GTF2F2: variants seen among roughly 807,000 people sequenced by gnomAD.
GTF2F2 encodes the protein general transcription factor IIF subunit 2.
GTF2F2 carries 23 observed loss-of-function variants against 42.2 expected under a neutral mutation model. That is an observed-to-expected ratio of 0.55 (90% confidence interval 0.39 to 0.77). The LOEUF (loss-of-function observed/expected upper bound fraction) is 0.77, where lower values mean the gene tolerates loss of function less well. Among genes scored for constraint, GTF2F2 ranks in the 30% least tolerant of loss-of-function variants. The probability of loss-of-function intolerance (pLI) is 0.00; values close to 1 mark genes in which losing one functional copy is unlikely to be tolerated. For synonymous variants in GTF2F2, 105 were observed against 100.8 expected (o/e 1.04, Z -0.25); for missense variants, 261 against 287.2 (o/e 0.91, Z 0.66).
chr13:45,264,671 G>A (rs575293224), intron 6 of GTF2F2, among the ~76,000 whole-genome samples: 2 of 152,232 alleles, frequency 1.3e-5, no homozygotes, highest in Admixed American at 1.3e-4. Context: ...TATCCCTAGT[G>A]TTGATTTTAA....
At chr13:45,241,553 T>A (rs550801286) in intron 5 of GTF2F2, among the ~76,000 whole-genome samples, 1 of 141,770 alleles carries the variant, frequency 7.1e-6, no homozygotes, top group South Asian at 2.1e-4. Context: ...TTAATTTTAT[T>A]TATTTTTAAT....
chr13:45,145,824 T>C (rs1870165527), intron 2 of GTF2F2, among the ~76,000 whole-genome samples: 1 of 152,192 alleles, frequency 6.6e-6, no homozygotes, highest in Non-Finnish European at 1.5e-5. Flanking sequence ...TTTGCTGTCC[T>C]CCACTGGGAC....
intron 5 of GTF2F2, among the ~76,000 whole-genome samples, chr13:45,229,789 G>T (rs1874577750): frequency 6.6e-6 from 1 of 152,192 alleles, no homozygotes; most frequent in East Asian, 1.9e-4. Flanking sequence ...GGACTAATAG[G>T]TACAGGTCAC....
At chr13:45,194,310 G>A (rs766297945) in intron 4 of GTF2F2, 1 of 1,614,170 alleles carries the variant, frequency 6.2e-7, no homozygotes. Context: ...GGACATGCCT[G>A]AAGAGGAGAC....
chr13:45,249,868 T>TA (rs763982451), intron 5 of GTF2F2, among the ~76,000 whole-genome samples: 61 of 152,226 alleles, frequency 4.0e-4, no homozygotes, highest in Admixed American at 8.5e-4. Flanking sequence ...GGCTGACACT[T>TA]ACTTGTGTTT....
intron 4 of GTF2F2, among the ~76,000 whole-genome samples, chr13:45,152,116 T>C (rs540240438): frequency 3.3e-5 from 5 of 152,082 alleles, no homozygotes; most frequent in Non-Finnish European, 7.4e-5. Flanking sequence ...GGTTTCTCCA[T>C]GTTGGTCAGG....
chr13:45,120,788 A>C (rs1020981299), intron 1 of GTF2F2, 67 bp downstream of exon 1: 1 of 1,192,616 alleles, frequency 8.4e-7, no homozygotes, highest in Non-Finnish European at 1.2e-6. Flanking sequence ...ACTTGAGCCT[A>C]TCCCGCTCCG....
intron 6 of GTF2F2, among the ~76,000 whole-genome samples, chr13:45,256,034 A>G (rs1332507326): frequency 6.6e-6 from 1 of 152,210 alleles, no homozygotes; most frequent in South Asian, 2.1e-4. Flanking sequence ...TATTTAAGAT[A>G]GGAAAAGATT....
intron 7 of GTF2F2, among the ~76,000 whole-genome samples, chr13:45,272,252 CTA>C (rs1390810143): frequency 1.3e-5 from 2 of 150,874 alleles, no homozygotes; most frequent in Non-Finnish European, 3.0e-5. Flanking sequence ...GTAAAATAAA[CTA>C]TTAACTATGT....
At chr13:45,224,209 T>A (rs977054951) in intron 5 of GTF2F2, among the ~76,000 whole-genome samples, 1 of 152,132 alleles carries the variant, frequency 6.6e-6, no homozygotes, top group Non-Finnish European at 1.5e-5. Context: ...CCTTTGAGAG[T>A]TATATGTAGT....
At chr13:45,173,913 G>A (rs530113865) in intron 4 of GTF2F2, among the ~76,000 whole-genome samples, 10 of 152,184 alleles carry the variant, frequency 6.6e-5, no homozygotes, top group South Asian at 4.2e-4. Flanking sequence ...CACCGCGCCC[G>A]GCCAACTTTG....
At chr13:45,183,138 T>A (rs1384893169) in intron 4 of GTF2F2, among the ~76,000 whole-genome samples, 1 of 152,170 alleles carries the variant, frequency 6.6e-6, no homozygotes, top group Non-Finnish European at 1.5e-5. Context: ...AGCTTGGCAC[T>A]TTGAAGGTTG....
intron 5 of GTF2F2, among the ~76,000 whole-genome samples, chr13:45,230,507 A>G (rs547197559): frequency 6.6e-6 from 1 of 152,362 alleles, no homozygotes; most frequent in South Asian, 2.1e-4. Flanking sequence ...AGGTTTACAC[A>G]TATAAAAGCA....
intron 2 of GTF2F2, among the ~76,000 whole-genome samples, chr13:45,139,118 G>A (rs575005778): frequency 7.2e-5 from 11 of 152,290 alleles, no homozygotes; most frequent in African/African-American, 2.2e-4. Flanking sequence ...AAGATTCTGA[G>A]CTTTAAGACA....
chr13:45,249,830 G>T (rs1875800644), intron 5 of GTF2F2, among the ~76,000 whole-genome samples: 1 of 152,130 alleles, frequency 6.6e-6, no homozygotes, highest in Non-Finnish European at 1.5e-5. Flanking sequence ...GGGGGGCCAA[G>T]ATTAGGACAC....
At chr13:45,153,240 G>C (rs969992594) in intron 4 of GTF2F2, among the ~76,000 whole-genome samples, 2 of 150,962 alleles carry the variant, frequency 1.3e-5, no homozygotes, top group Non-Finnish European at 3.0e-5. Flanking sequence ...GGATGGTCTC[G>C]ATCTCCTGAC....
At chr13:45,233,991 A>G (rs1057384518) in intron 5 of GTF2F2, among the ~76,000 whole-genome samples, 2 of 152,224 alleles carry the variant, frequency 1.3e-5, no homozygotes, top group Non-Finnish European at 2.9e-5. Flanking sequence ...CTACTGGTGA[A>G]TCAACCTCAT....
chr13:45,187,277 G>A (rs921344335), intron 4 of GTF2F2, among the ~76,000 whole-genome samples: 1 of 152,174 alleles, frequency 6.6e-6, no homozygotes, highest in Admixed American at 6.5e-5. Context: ...AAAGGGGTAT[G>A]TTTTAATTGT....
intron 1 of GTF2F2, among the ~76,000 whole-genome samples, chr13:45,129,084 T>C (rs1276226328): frequency 6.6e-6 from 1 of 152,240 alleles, no homozygotes; most frequent in Non-Finnish European, 1.5e-5. Flanking sequence ...TGAAGAAGTA[T>C]GATCTCATTT....
Sources: gnomAD v4.1 joint callset for allele counts (sites outside exome capture counted in the v4.1 genomes callset) on GRCh38, gnomAD v4.1.1 for gene constraint, MANE v1.5 for transcripts, NCBI Gene and HGNC (gene_info 2026-07-23, HGNC 2026-07-21) for gene names.